Variants in EPC1 observed in about 807,000 individuals in gnomAD.
The protein encoded by EPC1 is enhancer of polycomb 1, also known as enhancer of polycomb homolog 1.
Under a neutral mutation model 98.4 loss-of-function variants are expected in EPC1, and 12 were observed. The observed-to-expected ratio is 0.12, with a 90% CI of 0.08 to 0.20. EPC1 has a LOEUF of 0.20. Among genes scored for constraint, EPC1 ranks in the 10% least tolerant of loss-of-function variants. The pLI is 1.00. For missense variants in EPC1, 729 were observed against 990.5 expected (o/e 0.74, Z 3.54); for synonymous variants, 357 against 363.9 (o/e 0.98, Z 0.21).
chr10:32,350,164 AC>A (rs1430247046), upstream of EPC1, among the ~76,000 whole-genome samples: 1 of 152,212 alleles, frequency 6.6e-6, no homozygotes, highest in East Asian at 1.9e-4. Context: ...GAATACCCTA[AC>A]GGCAGAGGGA....
At chr10:32,305,680 T>C in intron 2 of EPC1, 92 bp downstream of exon 2, 2 of 1,087,260 alleles carry the variant, frequency 1.8e-6, no homozygotes, top group East Asian at 5.8e-5. Flanking sequence ...ATGAAACAAA[T>C]AACAAAAACG....
chr10:32,347,297 C>T, upstream of EPC1: 2 of 753,760 alleles, frequency 2.7e-6, no homozygotes, highest in Admixed American at 5.5e-5. Flanking sequence ...CACCCGCCGG[C>T]CTCGCTTCCC....
Position 32,272,220 on chromosome 10 carries a change from A to AT in EPC1, c.1864-54dup, listed in dbSNP as rs1357392820. 5 of 1,454,896 alleles carry AT rather than the reference A, an allele frequency of 3.4e-6. No homozygotes were observed. In the East Asian group the frequency reaches 9.5e-5, roughly 28 times the overall value. The allele number at this position is 1,454,896 out of a possible 1,614,324, so 90.1% of individuals were successfully genotyped here. ...ATCAGTATCACTTAGTATCAAATCA[A>AT]TATCAAAACTACACATGCATACCAA... On this transcript the variant is annotated intron_variant, in intron 11 of 13. Transcript: ENST00000319778.
chr10:32,278,690 A>G (rs1392779600), intron 10 of EPC1, among the ~76,000 whole-genome samples: 1 of 152,210 alleles, frequency 6.6e-6, no homozygotes, highest in Non-Finnish European at 1.5e-5. Context: ...AATTTCTTTT[A>G]GTACACAGGC....
In EPC1 at chr10:32,273,194, G is replaced by T; in HGVS notation, c.1832C>A (p.Ala611Glu). The T allele has an allele frequency of 6.2e-7, 1 of 1,614,122 alleles. No homozygotes were observed. Among genetic ancestry groups the T allele is most frequent in the Non-Finnish European group, 8.5e-7 (1 of 1,179,976 alleles). The change falls in exon 11 of 14, where the codon GCA becomes GAA. Residue 611 changes from alanine (A) to glutamate (E), a missense_variant. Coordinates refer to ENST00000319778, the MANE Select transcript of EPC1 (RefSeq NM_001272004.3). ...TGTGTTGGTGGAGGAATTACTATTTGCTTGCTGTTGCTGAATTTGTGCAAG... is the reference window on the plus strand; with the variant it reads ...TGTGTTGGTGGAGGAATTACTATTTTCTTGCTGTTGCTGAATTTGTGCAAG... Reference protein sequence around the residue: ...QQLAQIQQQQANSNSSTNTSQ... With the variant: ...QQLAQIQQQQENSNSSTNTSQ...
intron 1 of EPC1, among the ~76,000 whole-genome samples, chr10:32,343,700 G>GA (rs1340763769): frequency 6.6e-6 from 1 of 150,718 alleles, no homozygotes; most frequent in Non-Finnish European, 1.5e-5. Flanking sequence ...ATTTTGGGGG[G>GA]GGGGTGTAAG....
At chr10:32,323,689 A>G (rs1405106490) in intron 1 of EPC1, among the ~76,000 whole-genome samples, 2 of 152,196 alleles carry the variant, frequency 1.3e-5, no homozygotes, top group South Asian at 2.1e-4. Flanking sequence ...AATTGCCATT[A>G]TAAGAAAAAA....
intron 6 of EPC1, among the ~76,000 whole-genome samples, chr10:32,290,310 C>T (rs1406622136): frequency 6.6e-6 from 1 of 151,628 alleles, no homozygotes; most frequent in African/African-American, 2.4e-5. Context: ...TGGCAAAACC[C>T]CACCTCTACT....
intron 1 of EPC1, among the ~76,000 whole-genome samples, chr10:32,320,203 T>TA (rs1301668846): frequency 2.6e-5 from 4 of 151,672 alleles, no homozygotes; most frequent in Admixed American, 1.3e-4. Context: ...TTTTTTTTTT[T>TA]AAATAAAGCT....
At chr10:32,316,729 G>C (rs1445424854) in intron 1 of EPC1, among the ~76,000 whole-genome samples, 1 of 152,152 alleles carries the variant, frequency 6.6e-6, no homozygotes, top group Admixed American at 6.5e-5. Flanking sequence ...GGGGGGCTGA[G>C]TTATGTAAAT....
intron 1 of EPC1, among the ~76,000 whole-genome samples, chr10:32,337,092 A>G (rs1838021014): frequency 6.6e-6 from 1 of 152,144 alleles, no homozygotes; most frequent in African/African-American, 2.4e-5. Flanking sequence ...ATATTCCTTT[A>G]AACATTTTTG....
At chr10:32,327,062 G>GAC (rs57395657) in intron 1 of EPC1, among the ~76,000 whole-genome samples, 14,734 of 142,136 alleles carry the variant, frequency 0.1, 989 homozygotes, top group Admixed American at 0.19. Context: ...AAAATGTGGT[G>GAC]ACACACACAC....
At chr10:32,369,105 A>G (rs1839679874) in intron 1 of EPC1, among the ~76,000 whole-genome samples, 1 of 152,210 alleles carries the variant, frequency 6.6e-6, no homozygotes, top group Non-Finnish European at 1.5e-5. Flanking sequence ...ATAGAATAAC[A>G]TTGGAAATTG....
chr10:32,334,082 G>C (rs774794037), intron 1 of EPC1, among the ~76,000 whole-genome samples: 1 of 152,204 alleles, frequency 6.6e-6, no homozygotes, highest in Non-Finnish European at 1.5e-5. Flanking sequence ...ATGCCCAAAG[G>C]GCAAAGCTGA....
At chr10:32,329,343 T>G (rs751005112) in intron 1 of EPC1, among the ~76,000 whole-genome samples, 5 of 152,200 alleles carry the variant, frequency 3.3e-5, no homozygotes, top group Non-Finnish European at 7.3e-5. Flanking sequence ...ATCAACCCAA[T>G]GGATAGTGCA....
At chr10:32,340,039 G>A (rs765964337) in intron 1 of EPC1, among the ~76,000 whole-genome samples, 13 of 152,172 alleles carry the variant, frequency 8.5e-5, no homozygotes, top group Non-Finnish European at 1.3e-4. Flanking sequence ...GGTCATGTTT[G>A]CCCCTAGATT....
chr10:32,359,681 T>C (rs1839382173), intron 1 of EPC1, among the ~76,000 whole-genome samples: 1 of 152,248 alleles, frequency 6.6e-6, no homozygotes, highest in Non-Finnish European at 1.5e-5. Flanking sequence ...AGATTTATTT[T>C]TCATATGTAC....
Position 32,295,324 on chromosome 10 carries a change from C to T in EPC1, c.314-1587G>A, listed in dbSNP as rs527419360. On this transcript the variant is annotated intron_variant, in intron 2 of 13. Coordinates refer to ENST00000319778, the MANE Select transcript of EPC1 (RefSeq NM_001272004.3). ...GGGTACAAAGGGCACTATTTAGCTG[C>T]CAAATACTGCCATCTCTGCTTAAAG... is the stretch of plus-strand genomic sequence containing the variant. Among the ~76,000 whole-genome samples the T allele has an allele frequency of 2.7e-3, 417 of 152,220 alleles. 3 individuals are homozygous for T. The highest frequency in any genetic ancestry group is 9.8e-3 in the African/African-American group (406 of 41,516).
At chr10:32,342,501 G>T (rs1182435614) in intron 1 of EPC1, among the ~76,000 whole-genome samples, 6 of 152,156 alleles carry the variant, frequency 3.9e-5, no homozygotes, top group Non-Finnish European at 7.3e-5. Context: ...TAGTAACAAT[G>T]TATATTGTGC....
Sources: allele counts gnomAD v4.1 joint callset (sites outside exome capture counted in the v4.1 genomes callset), GRCh38; gene constraint gnomAD v4.1.1; transcripts MANE v1.5; gene names NCBI Gene and HGNC (gene_info 2026-07-23, HGNC 2026-07-21).